Variants in GRIA1 observed in about 807,000 individuals in gnomAD.
GRIA1 encodes glutamate ionotropic receptor AMPA type subunit 1, also known as glutamate receptor 1.
A neutral mutation model predicts 99.2 loss-of-function variants in GRIA1; 31 were observed. That is an observed-to-expected ratio of 0.31 (90% confidence interval 0.23 to 0.42). The LOEUF (loss-of-function observed/expected upper bound fraction) is 0.42, where lower values mean the gene tolerates loss of function less well. Among genes scored for constraint, GRIA1 ranks in the 10% least tolerant of loss-of-function variants. The probability of loss-of-function intolerance (pLI) is 1.00; values close to 1 mark genes in which losing one functional copy is unlikely to be tolerated. For missense variants in GRIA1, 782 were observed against 1,157.5 expected (o/e 0.68, Z 4.71); for synonymous variants, 438 against 432.4 (o/e 1.01, Z -0.16).
rs1026493239 is a variant in GRIA1, at chr5:153,811,375, G to A, written c.*150G>A. The A allele has an allele frequency of 4.8e-6, 3 of 622,632 alleles. No individual in the cohort carries two copies. Among genetic ancestry groups the A allele is most frequent in the African/African-American group, 3.7e-5 (2 of 54,086 alleles). 38.6% of individuals were successfully genotyped at this position (622,632 alleles called of 1,614,324 possible). On this transcript the variant is annotated 3_prime_UTR_variant, in exon 16 of 16. Transcript: ENST00000285900. The stretch of plus-strand genomic sequence containing the variant: ...GGATGATTCAACAGGTTTTCCTGAA[G>A]AATTGAAAAACCATTTTGCTGTCCC...
chr5:153,783,147 C>G (rs375105514), intron 13 of GRIA1, among the ~76,000 whole-genome samples: 3 of 152,130 alleles, frequency 2.0e-5, no homozygotes, highest in Admixed American at 2.0e-4. Context: ...AAGAAAATAA[C>G]GGACCTGCTG....
intron 2 of GRIA1, among the ~76,000 whole-genome samples, chr5:153,549,885 G>T (rs138491818): frequency 2.6e-5 from 4 of 152,172 alleles, no homozygotes; most frequent in Non-Finnish European, 5.9e-5. Context: ...TATCCATCTA[G>T]GCATTTGTCC....
chr5:153,740,991 T>C, intron 11 of GRIA1, among the ~76,000 whole-genome samples: 1 of 101,962 alleles, frequency 9.8e-6, no homozygotes, highest in African/African-American at 4.0e-5. Flanking sequence ...TTTTTTTTTT[T>C]GAGATGATGG....
chr5:153,644,915 G>A (rs189924257), intron 2 of GRIA1, among the ~76,000 whole-genome samples: 4 of 151,918 alleles, frequency 2.6e-5, no homozygotes, highest in East Asian at 2.0e-4. Context: ...AGGAGAAGAC[G>A]GTTGTAAGTT....
At chr5:153,749,020 G>C (rs1374155884) in intron 11 of GRIA1, among the ~76,000 whole-genome samples, 1 of 152,138 alleles carries the variant, frequency 6.6e-6, no homozygotes, top group Admixed American at 6.5e-5. Context: ...TAAGAAGAGG[G>C]CTGAGGCTTG....
chr5:153,622,783 A>G (rs1032591847), intron 2 of GRIA1, among the ~76,000 whole-genome samples: 5 of 152,184 alleles, frequency 3.3e-5, no homozygotes, highest in Admixed American at 3.3e-4. Context: ...GGGCCCTGAA[A>G]ATGTAACAGT....
chr5:153,770,348 A>G lies in GRIA1; in HGVS notation c.2203A>G (p.Met735Val), dbSNP rs940279029. The change falls in exon 13 of 16, where the codon ATG (methionine) becomes GTG (valine). Residue 735 changes from methionine to valine, a missense_variant. Around this residue, in one of 5 missense-constraint regions of GRIA1, gnomAD observed 119 missense variants for 326.6 expected, o/e 0.36. Transcript: ENST00000285900. Reference sequence around the variant, plus strand: ...TGAGCAGCGGAAACCCTGTGACACCATGAAGGTGGGAGGTAACTTGGATTC... The same window carrying G: ...TGAGCAGCGGAAACCCTGTGACACCGTGAAGGTGGGAGGTAACTTGGATTC... ...YIEQRKPCDT[M>V]KVGGNLDSKG... 6.2e-7 allele frequency: 1 copy of G among 1,613,956 alleles called. No individual in the cohort carries two copies. The highest frequency in any genetic ancestry group is 8.5e-7 in the Non-Finnish European group (1 of 1,179,862).
At chr5:153,683,435 C>G (rs1359244092) in intron 7 of GRIA1, among the ~76,000 whole-genome samples, 1 of 152,172 alleles carries the variant, frequency 6.6e-6, no homozygotes, top group Non-Finnish European at 1.5e-5. Context: ...GCCATCAGCT[C>G]TGAGTCTCAA....
intron 11 of GRIA1, among the ~76,000 whole-genome samples, chr5:153,714,767 G>A (rs527683473): frequency 2.6e-5 from 4 of 152,336 alleles, no homozygotes; most frequent in South Asian, 4.1e-4. Flanking sequence ...CCATCCAACC[G>A]TGGTGAATGA....
chr5:153,537,011 A>G (rs1412389476), intron 2 of GRIA1, among the ~76,000 whole-genome samples: 1 of 152,190 alleles, frequency 6.6e-6, no homozygotes, highest in Non-Finnish European at 1.5e-5. Context: ...AAATGAAAAT[A>G]TTAATGCTAC....
At chr5:153,732,925 C>CTT (rs1288005494) in intron 11 of GRIA1, among the ~76,000 whole-genome samples, 5,335 of 127,266 alleles carry the variant, frequency 0.042, 166 homozygotes, top group Non-Finnish European at 0.055. Context: ...AGTTAAATTT[C>CTT]TTTTTTTTTT....
Position 153,730,580 on chromosome 5 carries a change from G to T in GRIA1, c.1823+24513G>T, listed in dbSNP as rs558271710. On this transcript the variant is annotated intron_variant, in intron 11 of 15. Coordinates refer to ENST00000285900, the MANE Select transcript of GRIA1 (RefSeq NM_000827.4). ...AGGAAAGTGGGGTTAAATTATAAAG[G>T]GTTTTGAAAACTAGGCAAAGGACTG... Among the ~76,000 whole-genome samples the T allele has an allele frequency of 5.3e-5, 8 of 152,048 alleles. No homozygotes were observed. In the South Asian group the frequency reaches 1.2e-3, roughly 24 times the overall value.
intron 15 of GRIA1, among the ~76,000 whole-genome samples, chr5:153,804,204 C>A (rs747498542): frequency 1.3e-5 from 2 of 152,194 alleles, no homozygotes; most frequent in Admixed American, 6.5e-5. Context: ...CCTAGGAACA[C>A]CCCAATCCTA....
chr5:153,770,075 G>T (rs967252857), intron 12 of GRIA1, 93 bp from the exon 13 acceptor site: 19 of 1,254,950 alleles, frequency 1.5e-5, no homozygotes, highest in Non-Finnish European at 2.2e-5. Flanking sequence ...GCTCATGAAT[G>T]TGTGATCAAG....
At chr5:153,591,175 C>T (rs1206892879) in intron 2 of GRIA1, among the ~76,000 whole-genome samples, 1 of 152,192 alleles carries the variant, frequency 6.6e-6, no homozygotes, top group Non-Finnish European at 1.5e-5. Context: ...CAGACTCCTT[C>T]CCATAATTTT....
intron 5 of GRIA1, among the ~76,000 whole-genome samples, chr5:153,665,974 A>C (rs776427986): frequency 9.0e-4 from 137 of 152,192 alleles, no homozygotes; most frequent in Admixed American, 5.2e-3. Flanking sequence ...ACAGGTTGAG[A>C]TAATTGCCCA....
intron 2 of GRIA1, among the ~76,000 whole-genome samples, chr5:153,627,470 C>A (rs931891651): frequency 1.3e-5 from 2 of 152,150 alleles, no homozygotes; most frequent in Non-Finnish European, 2.9e-5. Flanking sequence ...GGCCTTTCAG[C>A]CCCAGAAATC....
At chr5:153,660,515 A>G (rs1363678) in intron 5 of GRIA1, among the ~76,000 whole-genome samples, 61,647 of 151,946 alleles carry the variant, frequency 0.41, 13,211 homozygotes, top group Non-Finnish European at 0.45. Context: ...TGAGTGCTGG[A>G]CAGGGAGAGT....
At chr5:153,531,088 A>T (rs1758057380) in intron 2 of GRIA1, among the ~76,000 whole-genome samples, 1 of 152,216 alleles carries the variant, frequency 6.6e-6, no homozygotes, top group African/African-American at 2.4e-5. Context: ...ATGAGCTAAG[A>T]TGAGAATGGT....
Sources: allele counts gnomAD v4.1 joint callset (sites outside exome capture counted in the v4.1 genomes callset), GRCh38; gene constraint gnomAD v4.1.1; regional missense constraint gnomAD v4.1.1; transcripts MANE v1.5; gene names NCBI Gene and HGNC (gene_info 2026-07-23, HGNC 2026-07-21).